LPO: variants seen among roughly 807,000 people sequenced by gnomAD.
LPO encodes the protein salivary peroxidase.
In LPO, 70 loss-of-function variants were observed where a neutral mutation model predicts 68.4. That is an observed-to-expected ratio of 1.02 (90% confidence interval 0.84 to 1.25). LPO has a LOEUF of 1.25. LPO is among the 50% of genes most tolerant of loss of function. The pLI is 0.00. For synonymous variants in LPO, 360 were observed against 357.6 expected (o/e 1.01, Z -0.08); for missense variants, 873 against 908.4 (o/e 0.96, Z 0.50).
At chr17:58,252,031 G>C (rs992321806) in intron 7 of LPO, 151 bp from the exon 8 acceptor site, 1 of 770,388 alleles carries the variant, frequency 1.3e-6, no homozygotes, top group African/African-American at 1.7e-5. Context: ...GGTGTGTAAT[G>C]TCAGCAAGAA....
At position 58,267,389 on chromosome 17, in the gene LPO, G is replaced by A. The variant is rs148241940; in HGVS notation, c.1734G>A (p.Pro578=). The A allele has an allele frequency of 2.2e-4, 358 of 1,614,196 alleles. No homozygotes were observed. In the East Asian group the frequency reaches 3.1e-3, roughly 14 times the overall value. The change falls in exon 12 of 13, where the codon CCG becomes CCA. Residue 578 remains proline (P), a synonymous_variant. Coordinates refer to ENST00000262290, the MANE Select transcript of LPO (RefSeq NM_006151.3). ...GAGCCTTCTGTGACCTCTCACAGCC[G>A]CAGACACTAGAGGAGTTGAACACAG... ...SWRAFCDLSQ[P]QTLEELNTVL... is the part of the protein sequence containing the mutation.
In LPO at chr17:58,261,874, G is replaced by A. The variant is rs896814796; in HGVS notation, c.1267-2848G>A. On this transcript the variant is annotated intron_variant, in intron 9 of 12. Coordinates refer to ENST00000262290, the MANE Select transcript of LPO (RefSeq NM_006151.3). ...AGAGATAGAGATATGGATTTACAAC[G>A]TATCACAACCTATTGGTGTCAGTGC... 5.3e-5 allele frequency among the ~76,000 whole-genome samples: 8 copies of A among 152,296 alleles called. No homozygotes were observed. In the South Asian group the frequency reaches 6.2e-4, roughly 12 times the overall value.
At chr17:58,248,222 GA>G (rs1285783079) in intron 4 of LPO, among the ~76,000 whole-genome samples, 1 of 152,204 alleles carries the variant, frequency 6.6e-6, no homozygotes, top group Non-Finnish European at 1.5e-5. Context: ...CTGACAGGAG[GA>G]AAAGGCTGCA....
intron 1 of LPO, among the ~76,000 whole-genome samples, chr17:58,239,955 C>A (rs770958754): frequency 6.6e-6 from 1 of 152,114 alleles, no homozygotes. Flanking sequence ...AGCATGCACC[C>A]AACACCTATT....
rs1969757998 is a variant in LPO at position 58,241,473 on chromosome 17, T to A, written c.-2-1505T>A. Among the ~76,000 whole-genome samples, 2 of 152,188 alleles carry A rather than the reference T, an allele frequency of 1.3e-5. 1 individual carries two copies. On this transcript the variant is annotated intron_variant, in intron 1 of 12. Coordinates refer to ENST00000262290, the MANE Select transcript of LPO (RefSeq NM_006151.3). ...TACCTTTTCCTCCAAAACCATCATC[T>A]CTGTTTGTCTGAAGGGCAGATTTCT...
At chr17:58,258,315 A>G (rs894985459) in intron 9 of LPO, among the ~76,000 whole-genome samples, 14 of 152,152 alleles carry the variant, frequency 9.2e-5, no homozygotes, top group African/African-American at 3.4e-4. Context: ...TTTGATTTTT[A>G]TATATGGGTA....
At chr17:58,264,677 T>G in intron 9 of LPO, 45 bp from the exon 10 acceptor site, 1 of 1,608,498 alleles carries the variant, frequency 6.2e-7, no homozygotes, top group Non-Finnish European at 8.5e-7. Flanking sequence ...TGCAGAGGTT[T>G]AAACCTTCTT....
intron 7 of LPO, 125 bp downstream of exon 7, chr17:58,250,746 C>T (rs1185081774): frequency 3.2e-6 from 3 of 927,608 alleles, no homozygotes; most frequent in Admixed American, 4.3e-5. Flanking sequence ...TTTCCCATGC[C>T]TCACGTGTCC....
chr17:58,255,001 G>T, intron 9 of LPO, 30 bp downstream of exon 9: 1 of 1,607,328 alleles, frequency 6.2e-7, no homozygotes, highest in Non-Finnish European at 8.5e-7. Context: ...CTGTCACCTG[G>T]TCCCACCTGG....
chr17:58,249,728 G>C (rs764054113), intron 6 of LPO, 33 bp downstream of exon 6: 87 of 1,536,388 alleles, frequency 5.7e-5, no homozygotes, highest in Non-Finnish European at 7.3e-5. Flanking sequence ...TGAAGGATGG[G>C]AGCCAGAGGG....
chr17:58,252,103 C>T, intron 7 of LPO, 79 bp from the exon 8 acceptor site: 1 of 1,363,418 alleles, frequency 7.3e-7, no homozygotes. Flanking sequence ...TCTTTGCATC[C>T]AGACTTGCCC....
chr17:58,239,047 C>A (rs563754902), intron 1 of LPO, among the ~76,000 whole-genome samples: 1 of 152,018 alleles, frequency 6.6e-6, no homozygotes, highest in Admixed American at 6.5e-5. Flanking sequence ...GGAACTGAGA[C>A]TTAAGCAATT....
intron 9 of LPO, among the ~76,000 whole-genome samples, chr17:58,257,134 G>A (rs547808141): frequency 4.0e-5 from 6 of 150,934 alleles, no homozygotes; most frequent in South Asian, 4.2e-4. Context: ...GGGTTTCACC[G>A]TGTTGGCCAG....
chr17:58,251,771 T>C (rs1969962866), intron 7 of LPO: 1 of 485,644 alleles, frequency 2.1e-6, no homozygotes, highest in African/African-American at 2.0e-5. Context: ...AGGGTTTTTT[T>C]GAGGACTGAG....
intron 9 of LPO, among the ~76,000 whole-genome samples, chr17:58,259,500 C>G (rs1261694494): frequency 6.6e-6 from 1 of 152,176 alleles, no homozygotes; most frequent in East Asian, 1.9e-4. Context: ...TATAGCTATA[C>G]AGTAAGCCTT....
chr17:58,266,300 A>G lies in LPO; in HGVS notation c.1667A>G (p.Gln556Arg). The G allele has an allele frequency of 1.9e-6, 3 of 1,614,106 alleles. No homozygotes were observed. The highest frequency in any genetic ancestry group is 2.5e-6 in the Non-Finnish European group (3 of 1,180,026). Residue 556 changes from glutamine to arginine, a missense_variant, in exon 11 of 13, where the codon CAG becomes CGG. Gln to Arg is a conservative substitution (Grantham distance 43). Transcript: ENST00000262290. ...TTTGACCTGGCTGCCATCAACACAC[A>G]GCGTTGCCGGGACCATGGGCAACCT... ...HGFDLAAINT[Q>R]RCRDHGQPGY...
intron 3 of LPO, among the ~76,000 whole-genome samples, chr17:58,247,219 C>T (rs931941521): frequency 5.3e-5 from 8 of 152,152 alleles, no homozygotes; most frequent in Admixed American, 5.2e-4. Context: ...TCTGCACTGT[C>T]CAACACAGTC....
intron 8 of LPO, among the ~76,000 whole-genome samples, chr17:58,253,276 A>T (rs1337736981): frequency 6.6e-6 from 1 of 152,058 alleles, no homozygotes; most frequent in Non-Finnish European, 1.5e-5. Context: ...GTGATTTTTA[A>T]TGGCTGCCTG....
chr17:58,247,555 C>A lies in LPO; in HGVS notation c.242C>A (p.Thr81Lys), dbSNP rs764179599. ...SEYLKHAKGRTRTAIRNGQVW... is the reference protein window; with the variant it reads ...SEYLKHAKGRKRTAIRNGQVW... ...TACCTCAAGCATGCCAAAGGCCGGA[C>A]GCGCACAGCCATCCGCAATGGACAG... The change falls in exon 4 of 13, where the codon ACG (threonine) becomes AAG (lysine). Residue 81 changes from threonine to lysine, a missense_variant. Coordinates refer to ENST00000262290, the MANE Select transcript of LPO (RefSeq NM_006151.3). 1 of 1,614,170 alleles carries A rather than the reference C, an allele frequency of 6.2e-7. No homozygotes were observed. The highest frequency in any genetic ancestry group is 8.5e-7 in the Non-Finnish European group (1 of 1,180,028).
Sources: allele counts gnomAD v4.1 joint callset (sites outside exome capture counted in the v4.1 genomes callset), GRCh38; gene constraint gnomAD v4.1.1; transcripts MANE v1.5; gene names NCBI Gene and HGNC (gene_info 2026-07-23, HGNC 2026-07-21).